The following SP140L variants were observed in gnomAD, a reference collection of about 807,000 sequenced individuals.
SP140L encodes the protein nuclear body protein SP140-like protein.
A neutral mutation model predicts 84.3 loss-of-function variants in SP140L; 64 were observed. The ratio of observed to expected loss-of-function variants is 0.76; its 90% CI spans 0.62 to 0.94. The LOEUF is 0.94. Among genes scored for constraint, SP140L ranks in the 40% least tolerant of loss-of-function variants. The pLI is 0.00. For synonymous variants in SP140L, 242 were observed against 236.9 expected, an observed-to-expected ratio of 1.02 and a Z score of -0.20; for missense variants, 628 against 692.5, an observed-to-expected ratio of 0.91 and a Z score of 1.05.
At chr2:230,368,310 G>A (rs2060949973) in intron 5 of SP140L, among the ~76,000 whole-genome samples, 1 of 152,078 alleles carries the variant, frequency 6.6e-6, no homozygotes, top group Non-Finnish European at 1.5e-5. Flanking sequence ...GTTTCCTGGT[G>A]TGTAAGGTTT....
chr2:230,344,486 GTTTC>G (rs1222474769), intron 2 of SP140L, among the ~76,000 whole-genome samples: 1 of 152,130 alleles, frequency 6.6e-6, no homozygotes, highest in African/African-American at 2.4e-5. Flanking sequence ...CCATTCTGTG[GTTTC>G]TTTAACTGGG....
intron 14 of SP140L, chr2:230,399,853 T>A: frequency 3.2e-6 from 1 of 313,698 alleles, no homozygotes; most frequent in Non-Finnish European, 6.0e-6. Flanking sequence ...TATAAGATCA[T>A]CCTCTTGCTT....
At chr2:230,355,317 G>A (rs1489241201) in intron 2 of SP140L, among the ~76,000 whole-genome samples, 1 of 152,040 alleles carries the variant, frequency 6.6e-6, no homozygotes, top group Admixed American at 6.6e-5. Flanking sequence ...TGGCAATAAG[G>A]AATTTGAAAA....
chr2:230,383,828 T>G (rs2061484118), intron 8 of SP140L, among the ~76,000 whole-genome samples: 1 of 152,160 alleles, frequency 6.6e-6, no homozygotes, highest in African/African-American at 2.4e-5. Context: ...ATGACTTTCT[T>G]CAGTAGCTCA....
intron 11 of SP140L, 60 bp from the exon 12 acceptor site, chr2:230,392,027 G>T (rs976835047): frequency 6.2e-7 from 1 of 1,604,814 alleles, no homozygotes; most frequent in Admixed American, 1.7e-5. Context: ...GTGGTGAGTG[G>T]CCACAGTCTG....
At chr2:230,393,257 C>T (rs1039374218) in intron 12 of SP140L, among the ~76,000 whole-genome samples, 157 bp from the exon 13 acceptor site, 1 of 152,160 alleles carries the variant, frequency 6.6e-6, no homozygotes, top group Non-Finnish European at 1.5e-5. Context: ...TCTAGAAGCA[C>T]AGGTGAAGAC....
chr2:230,335,297 TGTCA>T (rs1203057094), intron 2 of SP140L, among the ~76,000 whole-genome samples: 1 of 152,232 alleles, frequency 6.6e-6, no homozygotes, highest in Non-Finnish European at 1.5e-5. Context: ...TTAATCTACT[TGTCA>T]GTGTTTCTTA....
At chr2:230,360,907 C>T (rs905891737) in intron 4 of SP140L, among the ~76,000 whole-genome samples, 12 of 152,172 alleles carry the variant, frequency 7.9e-5, no homozygotes, top group Non-Finnish European at 1.6e-4. Flanking sequence ...GTTTTCTAGC[C>T]TCATCTTTAA....
chr2:230,380,379 A>G (rs1036220474), intron 7 of SP140L, among the ~76,000 whole-genome samples: 16 of 152,170 alleles, frequency 1.1e-4, no homozygotes, highest in South Asian at 2.1e-4. Context: ...CTATCCATAT[A>G]TACATTTTTT....
chr2:230,371,023 G>T, intron 6 of SP140L, 56 bp downstream of exon 6: 1 of 1,502,842 alleles, frequency 6.7e-7, no homozygotes, highest in South Asian at 1.1e-5. Flanking sequence ...CACAGACCCT[G>T]GGAAGAGTGG....
At chr2:230,328,628 T>C in intron 1 of SP140L, 129 bp from the exon 2 acceptor site, 1 of 1,197,008 alleles carries the variant, frequency 8.4e-7, no homozygotes, top group Non-Finnish European at 1.1e-6. Context: ...TAATAATGAT[T>C]ATATATTTCT....
rs1292638925 is a variant in SP140L, at chr2:230,358,033, G to A, written c.270+66G>A. ...ATATTTTACAAGTATTTCTGTAAGT[G>A]CTCCTGTAAAGTAGAAAAGGAGAGG... On this transcript the variant is annotated intron_variant, in intron 3 of 18. Coordinates refer to ENST00000415673, the MANE Select transcript of SP140L (RefSeq NM_138402.6). 4 of 1,565,716 alleles carry A rather than the reference G, an allele frequency of 2.6e-6. No individual in the cohort carries two copies. The African/African-American group carries it at 5.5e-5, about 21-fold the overall frequency.
intron 14 of SP140L, among the ~76,000 whole-genome samples, chr2:230,398,084 T>C (rs2062133414): frequency 6.7e-6 from 1 of 148,518 alleles, no homozygotes; most frequent in Non-Finnish European, 1.5e-5. Context: ...CCTGAAGAGC[T>C]TTAAAAAATA....
In SP140L at chr2:230,401,013, T is replaced by C; in HGVS notation, c.1372T>C (p.Cys458Arg). ...MKESPGSQQC[C>R]QESEVLERQM... The stretch of plus-strand genomic sequence containing the variant: ...GGAGTCTCCGGGAAGCCAACAGTGT[T>C]GTCAGGAATCTGAGGTCCTGGAGAG... The change falls in exon 16 of 19, where the codon TGT becomes CGT. Residue 458 changes from cysteine to arginine, a missense_variant. Physicochemically the swap from Cys to Arg is radical, Grantham distance 180. This residue lies in a region of SP140L where 52 missense variants were observed against 87.0 expected (regional missense o/e 0.60). Coordinates refer to ENST00000415673, the MANE Select transcript of SP140L (RefSeq NM_138402.6). 1 of 1,504,934 alleles carries C rather than the reference T, an allele frequency of 6.6e-7. No individual in the cohort carries two copies. Among genetic ancestry groups the C allele is most frequent in the Non-Finnish European group, 9.0e-7 (1 of 1,105,594 alleles). 93.2% of individuals were successfully genotyped at this position (1,504,934 alleles called of 1,614,324 possible). A position where few individuals can be genotyped will look rare whatever the true frequency, so the allele number is the denominator to read the frequency against.
chr2:230,365,356 T>C (rs2060834238), intron 5 of SP140L, among the ~76,000 whole-genome samples: 1 of 151,980 alleles, frequency 6.6e-6, no homozygotes, highest in Non-Finnish European at 1.5e-5. Context: ...CAGGTTTTTA[T>C]ATTTGTGTTG....
At chr2:230,384,491 A>G (rs2061506496) in intron 8 of SP140L, among the ~76,000 whole-genome samples, 1 of 152,170 alleles carries the variant, frequency 6.6e-6, no homozygotes, top group Admixed American at 6.5e-5. Context: ...AGTCCTATTG[A>G]AAATTGTTTC....
In SP140L at chr2:230,403,143, G is replaced by T; in HGVS notation, c.*247G>T. On this transcript the variant is annotated 3_prime_UTR_variant, in exon 19 of 19. Coordinates refer to ENST00000415673, the MANE Select transcript of SP140L (RefSeq NM_138402.6). ...ATTGGAGGTGATACCAGCACAGACA[G>T]ACTCTCACCTCTTCTCCTGAGGTCT... 1 of 421,274 alleles carries T rather than the reference G, an allele frequency of 2.4e-6. No individual in the cohort carries two copies. Among genetic ancestry groups the T allele is most frequent in the Non-Finnish European group, 4.2e-6 (1 of 239,378 alleles). 26.1% of individuals were successfully genotyped at this position (421,274 alleles called of 1,614,324 possible). A position where few individuals can be genotyped will look rare whatever the true frequency, so the allele number is the denominator to read the frequency against.
chr2:230,395,787 T>G (rs917242438), intron 13 of SP140L, among the ~76,000 whole-genome samples: 11 of 152,246 alleles, frequency 7.2e-5, no homozygotes, highest in African/African-American at 2.4e-4. Flanking sequence ...AAGGGAAAGG[T>G]GCCAACTCCT....
In SP140L at chr2:230,402,946, A is replaced by C; in HGVS notation, c.*50A>C. 6.7e-7 allele frequency: 1 copy of C among 1,491,554 alleles called. No homozygotes were observed. Among genetic ancestry groups the C allele is most frequent in the Non-Finnish European group, 9.2e-7 (1 of 1,089,410 alleles). 92.4% of individuals were successfully genotyped at this position (1,491,554 alleles called of 1,614,324 possible). A position where few individuals can be genotyped will look rare whatever the true frequency, so the allele number is the denominator to read the frequency against. ...TTCAGGAAATATGCTACTGGTTGCC[A>C]CTGACTTCAAACTGAGAGCACTTGG... On this transcript the variant is annotated 3_prime_UTR_variant, in exon 19 of 19. Coordinates refer to ENST00000415673, the MANE Select transcript of SP140L (RefSeq NM_138402.6).
Sources: gnomAD v4.1 joint callset for allele counts (sites outside exome capture counted in the v4.1 genomes callset) on GRCh38, gnomAD v4.1.1 for gene constraint, gnomAD v4.1.1 regional missense constraint, MANE v1.5 for transcripts, NCBI Gene and HGNC (gene_info 2026-07-23, HGNC 2026-07-21) for gene names.